The following GRM8 variants were observed in gnomAD, a reference collection of about 807,000 sequenced individuals.
GRM8 encodes metabotropic glutamate receptor 8.
In GRM8, 47 loss-of-function variants were observed where a neutral mutation model predicts 87.2. The ratio of observed to expected loss-of-function variants is 0.54; its 90% CI spans 0.43 to 0.69. GRM8 has a LOEUF of 0.69. GRM8 is among the 30% of genes least tolerant of loss of function. GRM8 has a pLI of 0.00. For missense variants in GRM8, 1,019 were observed against 1,139.2 expected (o/e 0.89, Z 1.52); for synonymous variants, 396 against 404.5 (o/e 0.98, Z 0.25).
chr7:127,174,169 T>C (rs755753485), intron 2 of GRM8, among the ~76,000 whole-genome samples: 1 of 152,186 alleles, frequency 6.6e-6, no homozygotes, highest in African/African-American at 2.4e-5. Context: ...GTACACAAGA[T>C]GTACGTAATG....
At chr7:127,228,739 A>C (rs1272909476) in intron 2 of GRM8, 1 of 152,216 alleles carries the variant, frequency 6.6e-6, no homozygotes, top group Non-Finnish European at 1.5e-5. Context: ...ATAGGGTATT[A>C]TCCATTTTAT....
At position 126,533,047 on chromosome 7, in the gene GRM8, C is replaced by T. The variant is rs754927828; in HGVS notation, c.2335G>A (p.Glu779Lys). The change falls in exon 9 of 11, where the codon GAA becomes AAA. Residue 779 changes from glutamate to lysine, a missense_variant. Physicochemically the swap from Glu to Lys is moderately conservative, Grantham distance 56. Coordinates refer to ENST00000339582, the MANE Select transcript of GRM8 (RefSeq NM_000845.3). ...ATGGTAAATCCAATAGGTTTGGCTT[C>T]ATTGAAAGTCTCTGGGACACCTCTC... ...KTRGVPETFN[E>K]AKPIGFTMYT... is the part of the protein sequence containing the mutation. 4 of 1,613,466 alleles carry T rather than the reference C, an allele frequency of 2.5e-6. No individual in the cohort carries two copies. In the East Asian group the frequency reaches 8.9e-5, roughly 36 times the overall value.
intron 2 of GRM8, among the ~76,000 whole-genome samples, chr7:127,211,639 C>A (rs1028703197): frequency 1.3e-5 from 2 of 152,124 alleles, no homozygotes; most frequent in Non-Finnish European, 2.9e-5. Flanking sequence ...TCTGGGAGGC[C>A]CCACCTTCAT....
chr7:126,852,421 C>T (rs1435651091), intron 6 of GRM8, among the ~76,000 whole-genome samples: 1 of 152,158 alleles, frequency 6.6e-6, no homozygotes, highest in Non-Finnish European at 1.5e-5. Context: ...AGCAGTTCCT[C>T]AGTTAGTAGC....
chr7:126,499,848 T>C (rs1429906007), intron 9 of GRM8, among the ~76,000 whole-genome samples: 1 of 151,856 alleles, frequency 6.6e-6, no homozygotes, highest in African/African-American at 2.4e-5. Flanking sequence ...ATTGGAGACA[T>C]AAGTTCTAGT....
At chr7:126,626,411 G>GT (rs1800693775) in intron 7 of GRM8, among the ~76,000 whole-genome samples, 1 of 152,102 alleles carries the variant, frequency 6.6e-6, no homozygotes, top group South Asian at 2.1e-4. Flanking sequence ...ACCATAGTAG[G>GT]TAAGGGATAT....
At chr7:126,744,973 A>ATTG (rs56174373) in intron 7 of GRM8, among the ~76,000 whole-genome samples, 66,460 of 151,338 alleles carry the variant, frequency 0.44, 15,058 homozygotes, top group Non-Finnish European at 0.48. Context: ...TTGATTTATT[A>ATTG]TTATTTTTAG....
chr7:126,609,262 T>G (rs1281835501), intron 8 of GRM8, 100 bp downstream of exon 8: 3 of 778,272 alleles, frequency 3.9e-6, no homozygotes, highest in Non-Finnish European at 6.0e-6. Flanking sequence ...AAGAGTTTAT[T>G]TATGGGGAAA....
At chr7:126,851,826 T>G (rs1797240828) in intron 6 of GRM8, among the ~76,000 whole-genome samples, 1 of 152,172 alleles carries the variant, frequency 6.6e-6, no homozygotes, top group Non-Finnish European at 1.5e-5. Context: ...ATTTTTCCCC[T>G]TAGCACTTAC....
chr7:127,141,689 G>A (rs1312721772), intron 2 of GRM8, among the ~76,000 whole-genome samples: 1 of 152,118 alleles, frequency 6.6e-6, no homozygotes, highest in Non-Finnish European at 1.5e-5. Flanking sequence ...TAAAAAGAAT[G>A]TAAAAGTGTT....
At chr7:127,073,189 A>G (rs1321449666) in intron 3 of GRM8, among the ~76,000 whole-genome samples, 1 of 152,146 alleles carries the variant, frequency 6.6e-6, no homozygotes, top group East Asian at 1.9e-4. Context: ...TAAGTACTGG[A>G]GGGACCTAGA....
chr7:126,446,496 T>C, intron 9 of GRM8, 124 bp from the exon 10 acceptor site: 1 of 639,704 alleles, frequency 1.6e-6, no homozygotes, highest in Non-Finnish European at 2.7e-6. Flanking sequence ...AAGGCACTTA[T>C]TGAAATTGTC....
At chr7:126,807,715 G>A (rs543582135) in intron 6 of GRM8, among the ~76,000 whole-genome samples, 32 of 152,074 alleles carry the variant, frequency 2.1e-4, no homozygotes, top group South Asian at 1.9e-3. Flanking sequence ...AGACCCATCC[G>A]TCCTAGTCCC....
rs1045739152 is a variant in GRM8, at chr7:126,647,408, G to A, written c.1358-37910C>T. On this transcript the variant is annotated intron_variant, in intron 7 of 10. Transcript: ENST00000339582. Reference sequence around the variant, plus strand: ...CTATTTATATATCTATATATCTTACGAGTTAAATTTGCCATATTTGGCTTT... The same window carrying A: ...CTATTTATATATCTATATATCTTACAAGTTAAATTTGCCATATTTGGCTTT... 1.1e-4 allele frequency among the ~76,000 whole-genome samples: 16 copies of A among 150,766 alleles called. 1 individual carries two copies. The highest frequency in any genetic ancestry group is 1.1e-3 in the Admixed American group (16 of 15,106).
At chr7:126,522,921 A>G (rs977839821) in intron 9 of GRM8, among the ~76,000 whole-genome samples, 2 of 152,196 alleles carry the variant, frequency 1.3e-5, no homozygotes, top group African/African-American at 4.8e-5. Flanking sequence ...ATGACTTCTT[A>G]TTCATTTTTG....
intron 3 of GRM8, among the ~76,000 whole-genome samples, chr7:127,047,562 G>T (rs1819057017): frequency 6.6e-6 from 1 of 151,930 alleles, no homozygotes. Flanking sequence ...AGATGCAGTG[G>T]CTCATGCCTA....
At chr7:126,823,408 C>A (rs77903842) in intron 6 of GRM8, among the ~76,000 whole-genome samples, 4,737 of 152,240 alleles carry the variant, frequency 0.031, 257 homozygotes, top group African/African-American at 0.11. Flanking sequence ...ACTAGAGATA[C>A]AGAAGTGAGG....
At chr7:127,095,713 G>T (rs1245398415) in intron 3 of GRM8, 2 of 152,142 alleles carry the variant, frequency 1.3e-5, no homozygotes, top group Admixed American at 1.3e-4. Context: ...CTCATGCCAG[G>T]TCTTTTCATT....
chr7:126,879,022 G>T (rs1799787168), intron 6 of GRM8, among the ~76,000 whole-genome samples: 2 of 151,924 alleles, frequency 1.3e-5, no homozygotes, highest in Non-Finnish European at 2.9e-5. Context: ...AATTAGCCAG[G>T]CACAGTGGCG....
Sources: gnomAD v4.1 joint callset for allele counts (sites outside exome capture counted in the v4.1 genomes callset) on GRCh38, gnomAD v4.1.1 for gene constraint, MANE v1.5 for transcripts, NCBI Gene and HGNC (gene_info 2026-07-23, HGNC 2026-07-21) for gene names.